HS3ST4: variants seen among roughly 807,000 people sequenced by gnomAD.
The protein encoded by HS3ST4 is heparan sulfate glucosamine 3-O-sulfotransferase 4.
In HS3ST4, 17 loss-of-function variants were observed where a neutral mutation model predicts 29.2. The ratio of observed to expected loss-of-function variants is 0.58; its 90% CI spans 0.40 to 0.87. HS3ST4 has a LOEUF of 0.87. Ranked by LOEUF, HS3ST4 falls within the 40% of genes least tolerant of loss-of-function variation. The pLI is 0.00. For missense variants in HS3ST4, 627 were observed against 634.5 expected (o/e 0.99, Z 0.13); for synonymous variants, 314 against 285.7 (o/e 1.10, Z -1.00).
In HS3ST4 at chr16:25,897,384, C is replaced by T. The variant is rs148446743; in HGVS notation, c.734+204233C>T. 2.9e-3 allele frequency among the ~76,000 whole-genome samples: 444 copies of T among 152,120 alleles called. 4 individuals carry two copies. The highest frequency in any genetic ancestry group is 0.01 in the African/African-American group (425 of 41,486). ...GGAGGATCACTTGAGCTCAAGAGGT[C>T]GAGGCTGCAGTGAGCCAGGATTGTG... On this transcript the variant is annotated intron_variant, in intron 1 of 1. Transcript: ENST00000331351.
intron 1 of HS3ST4, among the ~76,000 whole-genome samples, chr16:25,948,028 A>G (rs1968646737): frequency 1.3e-5 from 2 of 152,206 alleles, no homozygotes; most frequent in Admixed American, 6.5e-5. Context: ...TTATTAATAT[A>G]TGTTCGTATC....
chr16:25,736,973 C>CGAGTAGCTGG (rs1966614057), intron 1 of HS3ST4, among the ~76,000 whole-genome samples: 1 of 152,040 alleles, frequency 6.6e-6, no homozygotes, highest in South Asian at 2.1e-4. Context: ...TTTAGCCTCC[C>CGAGTAGCTGG]GAGTAGCTGG....
chr16:26,114,591 G>A (rs1009095558), intron 1 of HS3ST4, among the ~76,000 whole-genome samples: 3 of 152,216 alleles, frequency 2.0e-5, no homozygotes, highest in African/African-American at 2.4e-5. Flanking sequence ...AATAGTGGAA[G>A]CAGAGTGTAA....
chr16:25,785,898 C>T (rs1489875173), intron 1 of HS3ST4, among the ~76,000 whole-genome samples: 1 of 152,078 alleles, frequency 6.6e-6, no homozygotes, highest in Admixed American at 6.6e-5. Context: ...ATGGCCCAGA[C>T]TGGAAGGTAA....
chr16:25,943,845 A>G (rs1333781430), intron 1 of HS3ST4, among the ~76,000 whole-genome samples: 2 of 152,150 alleles, frequency 1.3e-5, no homozygotes, highest in Non-Finnish European at 2.9e-5. Context: ...GAGACCTATG[A>G]TGGTTTCTGC....
At chr16:25,719,185 A>G (rs758108849) in intron 1 of HS3ST4, among the ~76,000 whole-genome samples, 2 of 152,260 alleles carry the variant, frequency 1.3e-5, no homozygotes, top group Admixed American at 6.5e-5. Flanking sequence ...CCAGAAAGAC[A>G]GAAATGGGTC....
chr16:25,931,417 C>A (rs958087193), intron 1 of HS3ST4, among the ~76,000 whole-genome samples: 2 of 152,334 alleles, frequency 1.3e-5, no homozygotes, highest in Admixed American at 1.3e-4. Flanking sequence ...ATTTTTATTT[C>A]TTTGCAGGAA....
At chr16:25,992,059 A>G (rs1969118955) in intron 1 of HS3ST4, among the ~76,000 whole-genome samples, 2 of 152,150 alleles carry the variant, frequency 1.3e-5, no homozygotes, top group Non-Finnish European at 2.9e-5. Context: ...AAAAGAAGAA[A>G]ATGGCAAGGT....
chr16:26,032,882 GTCTGGGGGTCGTTCTCGCC>G, intron 1 of HS3ST4: 1 of 1,386,586 alleles, frequency 7.2e-7, no homozygotes, highest in Non-Finnish European at 1.0e-6. Context: ...GCTTTGGTCG[GTCTGGGGGTCGTTCTCGCC>G]TCTTCTTCAC....
At chr16:25,956,784 G>T (rs1176648157) in intron 1 of HS3ST4, among the ~76,000 whole-genome samples, 3 of 152,030 alleles carry the variant, frequency 2.0e-5, no homozygotes, top group African/African-American at 7.2e-5. Context: ...ACATCATGAG[G>T]TCAGGAGATC....
At chr16:25,837,188 G>A (rs1300016347) in intron 1 of HS3ST4, among the ~76,000 whole-genome samples, 3 of 152,188 alleles carry the variant, frequency 2.0e-5, no homozygotes, top group Non-Finnish European at 4.4e-5. Context: ...TGCTGCAGAC[G>A]ATCATTGTGT....
At chr16:25,909,379 G>A (rs1004412807) in intron 1 of HS3ST4, among the ~76,000 whole-genome samples, 4 of 152,134 alleles carry the variant, frequency 2.6e-5, no homozygotes, top group African/African-American at 7.2e-5. Context: ...TGTGGACACA[G>A]GGTTTAGCCA....
intron 1 of HS3ST4, among the ~76,000 whole-genome samples, chr16:25,880,821 A>G (rs1967886783): frequency 6.6e-6 from 1 of 152,248 alleles, no homozygotes; most frequent in African/African-American, 2.4e-5. Context: ...GCTTGCTTGT[A>G]TGTCTTTTAA....
chr16:25,769,331 CCT>C, intron 1 of HS3ST4, among the ~76,000 whole-genome samples: 1 of 152,094 alleles, frequency 6.6e-6, no homozygotes, highest in Admixed American at 6.6e-5. Flanking sequence ...CCTCTTCATC[CCT>C]CTCTCTTTCC....
chr16:25,802,696 T>C (rs759599355), intron 1 of HS3ST4, among the ~76,000 whole-genome samples: 2 of 152,112 alleles, frequency 1.3e-5, no homozygotes, highest in African/African-American at 2.4e-5. Flanking sequence ...CAATACAGTA[T>C]TGAGTTGTCC....
chr16:25,908,138 C>T lies in HS3ST4; in HGVS notation c.734+214987C>T, dbSNP rs544586523. Among the ~76,000 whole-genome samples, 72 of 152,250 alleles carry T rather than the reference C, an allele frequency of 4.7e-4. 1 individual carries two copies. The highest frequency in any genetic ancestry group is 4.2e-3 in the Admixed American group (65 of 15,300). On this transcript the variant is annotated intron_variant, in intron 1 of 1. Transcript: ENST00000331351. ...TGCAGTAGAATGTCTGGCTGATTTTCGGAGCTTGGAAAACAGCGCAGGCTC... is the reference window on the plus strand; with the variant it reads ...TGCAGTAGAATGTCTGGCTGATTTTTGGAGCTTGGAAAACAGCGCAGGCTC...
At chr16:26,039,294 A>G (rs1969611953) in intron 1 of HS3ST4, among the ~76,000 whole-genome samples, 1 of 152,216 alleles carries the variant, frequency 6.6e-6, no homozygotes, top group South Asian at 2.1e-4. Context: ...CCCAGAAGGA[A>G]TCTTGCCTGG....
chr16:25,745,267 T>G (rs7196791), intron 1 of HS3ST4, among the ~76,000 whole-genome samples: 131,701 of 152,070 alleles, frequency 0.87, 57,059 homozygotes, highest in Admixed American at 0.91. Context: ...CACATTTTTG[T>G]TGATAATATT....
chr16:25,694,079 C>T (rs1233876230), intron 1 of HS3ST4, among the ~76,000 whole-genome samples: 1 of 152,204 alleles, frequency 6.6e-6, no homozygotes, highest in Non-Finnish European at 1.5e-5. Flanking sequence ...CTCTTTCCTC[C>T]TGTTTTATAT....
Sources: gnomAD v4.1 joint callset for allele counts (sites outside exome capture counted in the v4.1 genomes callset) on GRCh38, gnomAD v4.1.1 for gene constraint, MANE v1.5 for transcripts, NCBI Gene and HGNC (gene_info 2026-07-23, HGNC 2026-07-21) for gene names.